PPP6R3: variants seen among roughly 807,000 people sequenced by gnomAD.
The protein encoded by PPP6R3 is serine/threonine-protein phosphatase 6 regulatory subunit 3.
Under a neutral mutation model 110.7 loss-of-function variants are expected in PPP6R3, and 38 were observed. That is an observed-to-expected ratio of 0.34 (90% confidence interval 0.26 to 0.45). The LOEUF (loss-of-function observed/expected upper bound fraction) is 0.45, where lower values mean the gene tolerates loss of function less well. PPP6R3 is among the 20% of genes least tolerant of loss of function. PPP6R3 has a pLI of 1.00. For missense variants in PPP6R3, 870 were observed against 1,062.4 expected, an observed-to-expected ratio of 0.82 and a Z score of 2.52; for synonymous variants, 369 against 373.5, an observed-to-expected ratio of 0.99 and a Z score of 0.14.
chr11:68,593,644 A>G (rs1338790213), intron 18 of PPP6R3, among the ~76,000 whole-genome samples: 5 of 152,262 alleles, frequency 3.3e-5, no homozygotes, highest in African/African-American at 1.2e-4. Flanking sequence ...AGCCTGGACA[A>G]ACAAAACTAC....
chr11:68,515,499 G>A (rs1427507691), intron 1 of PPP6R3, among the ~76,000 whole-genome samples: 5 of 152,236 alleles, frequency 3.3e-5, no homozygotes, highest in African/African-American at 9.6e-5. Context: ...TACCAGCTCG[G>A]AAGAGCTTGC....
intron 2 of PPP6R3, among the ~76,000 whole-genome samples, chr11:68,532,518 C>T (rs1341175867): frequency 6.6e-6 from 1 of 152,176 alleles, no homozygotes; most frequent in Non-Finnish European, 1.5e-5. Flanking sequence ...ACCCTTTGCT[C>T]CACTGACTGG....
Position 68,590,648 on chromosome 11 carries a change from G to GTTT in PPP6R3, c.1731-7_1731-5dup. The GTTT allele has an allele frequency of 6.5e-7, 1 of 1,538,946 alleles. No homozygotes were observed. On this transcript the variant is annotated splice_polypyrimidine_tract_variant and intron_variant, in intron 16 of 23. Coordinates refer to ENST00000393800, the MANE Select transcript of PPP6R3 (RefSeq NM_001164161.2). ...TTAATGCTTCCTACACTTTTATTTT[G>GTTT]TTTTTTTACAGTGTTTCTTTTGATC...
At chr11:68,516,662 A>G (rs1168748451) in intron 1 of PPP6R3, among the ~76,000 whole-genome samples, 1 of 152,222 alleles carries the variant, frequency 6.6e-6, no homozygotes, top group African/African-American at 2.4e-5. Flanking sequence ...ACACAGGTAC[A>G]CAAATATCTT....
At chr11:68,539,303 G>A (rs2099294857) in intron 3 of PPP6R3, among the ~76,000 whole-genome samples, 1 of 152,156 alleles carries the variant, frequency 6.6e-6, no homozygotes, top group Non-Finnish European at 1.5e-5. Context: ...TTCCTCATAT[G>A]CTGAATGAGG....
chr11:68,482,439 T>A (rs1449577202), intron 1 of PPP6R3, among the ~76,000 whole-genome samples: 1 of 151,790 alleles, frequency 6.6e-6, no homozygotes, highest in East Asian at 1.9e-4. Context: ...TTCCTCTCTT[T>A]CCCATAGAAA....
intron 3 of PPP6R3, among the ~76,000 whole-genome samples, chr11:68,541,476 CTA>C (rs1284648982): frequency 6.6e-6 from 1 of 150,562 alleles, no homozygotes; most frequent in Non-Finnish European, 1.5e-5. Flanking sequence ...TCAAGAGTGA[CTA>C]TGAGGATTTT....
At chr11:68,526,549 G>A (rs17601808) in intron 2 of PPP6R3, among the ~76,000 whole-genome samples, 3,940 of 152,208 alleles carry the variant, frequency 0.026, 79 homozygotes, top group Non-Finnish European at 0.037. Context: ...CCTGGCTAAC[G>A]TTGGCTTTTA....
At chr11:68,535,046 A>G (rs1565666902) in intron 2 of PPP6R3, among the ~76,000 whole-genome samples, 1 of 152,248 alleles carries the variant, frequency 6.6e-6, no homozygotes, top group Non-Finnish European at 1.5e-5. Flanking sequence ...AAAATCACAA[A>G]AAGCATTTAT....
intron 2 of PPP6R3, among the ~76,000 whole-genome samples, chr11:68,533,098 G>C (rs975253195): frequency 6.6e-6 from 1 of 152,114 alleles, no homozygotes; most frequent in Non-Finnish European, 1.5e-5. Context: ...ATTTTTTAAA[G>C]GACTCCATTT....
chr11:68,575,933 C>T lies in PPP6R3; in HGVS notation c.1460-25C>T, dbSNP rs1565954412. On this transcript the variant is annotated intron_variant, in intron 13 of 23. Coordinates refer to ENST00000393800, the MANE Select transcript of PPP6R3 (RefSeq NM_001164161.2). Reference sequence around the variant, plus strand: ...CGTGGAGGTCATTGTGGTGATAATGCTTTTTTGCTTTTCTCACTCTGAAGA... The same window carrying T: ...CGTGGAGGTCATTGTGGTGATAATGTTTTTTTGCTTTTCTCACTCTGAAGA... 4 of 1,549,138 alleles carry T rather than the reference C, an allele frequency of 2.6e-6. No individual in the cohort carries two copies. In the South Asian group the frequency reaches 3.4e-5, roughly 13 times the overall value.
chr11:68,481,306 G>A (rs1011846075), intron 1 of PPP6R3, among the ~76,000 whole-genome samples: 1 of 152,172 alleles, frequency 6.6e-6, no homozygotes, highest in South Asian at 2.1e-4. Context: ...TTCTGGTCCT[G>A]TCTCTGCCTC....
At chr11:68,591,809 G>C (rs1352972386) in intron 18 of PPP6R3, 103 bp downstream of exon 18, 2 of 1,346,392 alleles carry the variant, frequency 1.5e-6, no homozygotes, top group Non-Finnish European at 9.8e-7. Flanking sequence ...TGTTAACCCA[G>C]AAACCAGTGT....
At chr11:68,564,894 C>T (rs2099453860) in intron 9 of PPP6R3, among the ~76,000 whole-genome samples, 1 of 152,094 alleles carries the variant, frequency 6.6e-6, no homozygotes, top group Non-Finnish European at 1.5e-5. Context: ...AGTACAGAGC[C>T]TCCCATGTGC....
Position 68,603,488 on chromosome 11 carries a change from A to G in PPP6R3, c.2446A>G (p.Lys816Glu). 1 of 1,614,116 alleles carries G rather than the reference A, an allele frequency of 6.2e-7. No individual in the cohort carries two copies. The highest frequency in any genetic ancestry group is 2.2e-5 in the East Asian group (1 of 44,876). ...TGCCAAGACAGAGACTGCGGTCTTC[A>G]AAAGGTAACCAGGGGTGAGATCCTG... is the stretch of plus-strand genomic sequence containing the variant. ...VDAKTETAVF[K>E]SEEGKLSTSQ... The change falls in exon 22 of 24, where the codon AAA becomes GAA. Residue 816 changes from lysine to glutamate, a missense_variant. Transcript: ENST00000393800.
chr11:68,464,941 G>T (rs562888129), intron 1 of PPP6R3, among the ~76,000 whole-genome samples: 1 of 151,616 alleles, frequency 6.6e-6, no homozygotes, highest in East Asian at 1.9e-4. Context: ...GAGTGCAGTG[G>T]CATGATCTTG....
chr11:68,593,750 G>A (rs1236895205), intron 18 of PPP6R3, among the ~76,000 whole-genome samples: 2 of 152,204 alleles, frequency 1.3e-5, no homozygotes, highest in Non-Finnish European at 2.9e-5. Flanking sequence ...TGGGCACAGT[G>A]GTTCACACCT....
Position 68,554,457 on chromosome 11 carries a change from T to G in PPP6R3, c.731+200T>G, listed in dbSNP as rs192568542. Among the ~76,000 whole-genome samples, 897 of 152,332 alleles carry G rather than the reference T, an allele frequency of 5.9e-3. 3 individuals are homozygous for G. The highest frequency in any genetic ancestry group is 9.7e-3 in the Non-Finnish European group (663 of 68,040). On this transcript the variant is annotated intron_variant, in intron 7 of 23. Coordinates refer to ENST00000393800, the MANE Select transcript of PPP6R3 (RefSeq NM_001164161.2). ...GGTAAGAAGATAAATGACATTTATA[T>G]CTAGACTTTGAGTTTTCCAATTATT...
At chr11:68,576,153 G>A in intron 14 of PPP6R3, 110 bp downstream of exon 14, 1 of 778,980 alleles carries the variant, frequency 1.3e-6, no homozygotes, top group Non-Finnish European at 2.0e-6. Flanking sequence ...GTGAGCCAAA[G>A]ATAAATTCTT....
Sources: gnomAD v4.1 joint callset for allele counts (sites outside exome capture counted in the v4.1 genomes callset) on GRCh38, gnomAD v4.1.1 for gene constraint, MANE v1.5 for transcripts, NCBI Gene and HGNC (gene_info 2026-07-23, HGNC 2026-07-21) for gene names.